Variants in RPL12 observed in about 807,000 individuals in gnomAD.
RPL12 encodes the protein large ribosomal subunit protein uL11.
RPL12 carries 10 observed loss-of-function variants against 24.5 expected under a neutral mutation model. The ratio of observed to expected loss-of-function variants is 0.41; its 90% confidence interval spans 0.25 to 0.69. RPL12 has a LOEUF of 0.69. RPL12 is among the 30% of genes least tolerant of loss of function. RPL12 has a pLI of 0.33. For missense variants in RPL12, 137 were observed against 205.3 expected (o/e 0.67, Z 2.03); for synonymous variants, 74 against 76.1 (o/e 0.97, Z 0.14).
At chr9:127,450,505 T>C (rs2131976146) in intron 2 of RPL12, 1 of 504,646 alleles carries the variant, frequency 2.0e-6, no homozygotes, top group Non-Finnish European at 3.5e-6. Context: ...TCAGGTACAC[T>C]AAAGCAGCAG....
chr9:127,448,285 CA>C, intron 5 of RPL12, 51 bp downstream of exon 5: 1 of 1,380,022 alleles, frequency 7.2e-7, no homozygotes, highest in Non-Finnish European at 1.0e-6. Flanking sequence ...TGTTATCACT[CA>C]GTGAAAAACA....
In RPL12 at chr9:127,451,335, T is replaced by C; in HGVS notation, c.-18A>G. 3.1e-6 allele frequency: 5 copies of C among 1,611,854 alleles called. No homozygotes were observed. Among genetic ancestry groups the C allele is most frequent in the Non-Finnish European group, 4.2e-6 (5 of 1,179,920 alleles). ...GGCGGCATGGTGGAGGCGGCTGGTGTCGGATGAACCCGGATTCGGGACGAC... is the reference window on the plus strand; with the variant it reads ...GGCGGCATGGTGGAGGCGGCTGGTGCCGGATGAACCCGGATTCGGGACGAC... On this transcript the variant is annotated 5_prime_UTR_variant, in exon 1 of 7. Transcript: ENST00000361436.
intron 4 of RPL12, 82 bp from the exon 5 acceptor site, chr9:127,448,505 G>A (rs764650592): frequency 3.2e-6 from 3 of 941,790 alleles, no homozygotes; most frequent in Non-Finnish European, 5.3e-6. Context: ...TTTCTAGGCT[G>A]TTCCCATGCT....
In RPL12 at chr9:127,449,482, A is replaced by C; in HGVS notation, c.211-120T>G. ...TTTGCCCTAGGTCCGTACTCTTGAC[A>C]AAGCCTCCCCAACAAGGTGAAATCA... On this transcript the variant is annotated intron_variant, in intron 3 of 6. Transcript: ENST00000361436. 9 of 1,300,632 alleles carry C rather than the reference A, an allele frequency of 6.9e-6. No individual in the cohort carries two copies. The South Asian group carries it at 8.7e-5, about 13-fold the overall frequency. The allele number at this position is 1,300,632 out of a possible 1,614,324, so 80.6% of individuals were successfully genotyped here.
chr9:127,450,623 G>T, intron 2 of RPL12, 108 bp downstream of exon 2: 1 of 779,046 alleles, frequency 1.3e-6, no homozygotes, highest in Non-Finnish European at 2.0e-6. Context: ...CCTACTGAGG[G>T]TGACAGTCCA....
chr9:127,449,723 A>G lies in RPL12; in HGVS notation c.112-15T>C, dbSNP rs370881098. 6.2e-7 allele frequency: 1 copy of G among 1,601,166 alleles called. No homozygotes were observed. Among genetic ancestry groups the G allele is most frequent in the East Asian group, 2.2e-5 (1 of 44,856 alleles). ...TTTTTTGGAGACTAGAAATAAAGGC[A>G]TGTAATCAACATGGTGTCCAGAGGT... On this transcript the variant is annotated splice_polypyrimidine_tract_variant and intron_variant, in intron 2 of 6. Coordinates refer to ENST00000361436, the MANE Select transcript of RPL12 (RefSeq NM_000976.4).
intron 2 of RPL12, 82 bp downstream of exon 2, chr9:127,450,649 T>G (rs1834277492): frequency 5.6e-6 from 6 of 1,072,748 alleles, no homozygotes; most frequent in Non-Finnish European, 8.1e-6. Context: ...CGAGGGCACC[T>G]CTGGCACAGG....
intron 1 of RPL12, 189 bp downstream of exon 1, chr9:127,451,092 C>T (rs527638000): frequency 2.2e-5 from 17 of 778,088 alleles, no homozygotes; most frequent in South Asian, 1.6e-4. Flanking sequence ...GTGGTCCAGT[C>T]CTCCCTCCCC....
At chr9:127,448,837 T>G (rs1268536501) in intron 4 of RPL12, among the ~76,000 whole-genome samples, 1 of 151,434 alleles carries the variant, frequency 6.6e-6, no homozygotes, top group Non-Finnish European at 1.5e-5. Flanking sequence ...TGGCACTTTT[T>G]TTTTTTTTTT....
chr9:127,447,754 A>G (rs1834196946), intron 6 of RPL12, 28 bp from the exon 7 acceptor site: 1 of 1,613,540 alleles, frequency 6.2e-7, no homozygotes. Flanking sequence ...AAAATCAGTA[A>G]AAAGTTTAAA....
chr9:127,450,659 G>A, intron 2 of RPL12, 72 bp downstream of exon 2: 3 of 1,185,908 alleles, frequency 2.5e-6, no homozygotes, highest in Non-Finnish European at 2.4e-6. Flanking sequence ...TCTGGCACAG[G>A]CGTGACTCCA....
rs776445609 is a variant in RPL12, at chr9:127,447,956, G to A, written c.413C>T (p.Ser138Leu). 1 of 1,613,484 alleles carries A rather than the reference G, an allele frequency of 6.2e-7. No homozygotes were observed. ...GCGGCCATCAACATTACAGCCCACT[G>A]ACTGGGCAGTCCCCAGGATCTCTTT... ...TIKEILGTAQ[S>L]VGCNVDGRHP... The change falls in exon 6 of 7, where the codon TCA (serine) becomes TTA (leucine). Residue 138 changes from serine to leucine, a missense_variant. Physicochemically the swap from Ser to Leu is moderately radical, Grantham distance 145. Around this residue, in one of 3 missense-constraint regions of RPL12, gnomAD observed 118 missense variants for 160.7 expected, o/e 0.73. Transcript: ENST00000361436.
At chr9:127,450,215 G>A (rs1179799315) in intron 2 of RPL12, 1 of 173,558 alleles carries the variant, frequency 5.8e-6, no homozygotes, top group South Asian at 1.2e-4. Context: ...GGAGCACTGT[G>A]CAAGGATTAA....
At chr9:127,449,944 GC>G (rs1834247826) in intron 2 of RPL12, 3 of 501,076 alleles carry the variant, frequency 6.0e-6, no homozygotes, top group Middle Eastern at 6.2e-4. Context: ...GTGCCCATGT[GC>G]TTAAGGAGGG....
In RPL12 at chr9:127,448,297, C is replaced by T. The variant is rs373096478; in HGVS notation, c.379+40G>A. The T allele has an allele frequency of 8.6e-5, 128 of 1,484,792 alleles. 1 individual carries two copies. Among genetic ancestry groups the T allele is most frequent in the South Asian group, 5.2e-4 (46 of 88,484 alleles). The allele number at this position is 1,484,792 out of a possible 1,614,324, so 92.0% of individuals were successfully genotyped here. On this transcript the variant is annotated intron_variant, in intron 5 of 6. Transcript: ENST00000361436. ...GAATGTTATCACTCAGTGAAAAACA[C>T]AACTACAGTTATGGCGGTTACATGT...
intron 2 of RPL12, chr9:127,450,172 A>G (rs1834257005): frequency 5.6e-6 from 1 of 178,104 alleles, no homozygotes; most frequent in Admixed American, 5.7e-5. Flanking sequence ...TACAGGTTAA[A>G]AAAGACCAAT....
chr9:127,447,813 T>C (rs1248708621), intron 6 of RPL12, 64 bp downstream of exon 6: 9 of 1,612,022 alleles, frequency 5.6e-6, no homozygotes, highest in Non-Finnish European at 7.6e-6. Context: ...TCCCAGCTTA[T>C]CTCTGTGAAT....
chr9:127,448,976 C>A (rs1344536369), intron 4 of RPL12: 1 of 348,046 alleles, frequency 2.9e-6, no homozygotes, highest in Non-Finnish European at 5.6e-6. Context: ...GGTCTACAGG[C>A]GAGCACCACC....
rs773781065 is a variant in RPL12, at chr9:127,449,264, G to C, written c.292+17C>G. The stretch of plus-strand genomic sequence containing the variant: ...ACAAACCATTACCAAAACCAAACTA[G>C]GGAAAAGACAACTTACTGTTTTTCT... On this transcript the variant is annotated intron_variant, in intron 4 of 6. Transcript: ENST00000361436. 4 of 1,606,872 alleles carry C rather than the reference G, an allele frequency of 2.5e-6. No homozygotes were observed. Among genetic ancestry groups the C allele is most frequent in the Non-Finnish European group, 1.7e-6 (2 of 1,176,380 alleles).
Sources: allele counts gnomAD v4.1 joint callset (sites outside exome capture counted in the v4.1 genomes callset), GRCh38; gene constraint gnomAD v4.1.1; regional missense constraint gnomAD v4.1.1; transcripts MANE v1.5; gene names NCBI Gene and HGNC (gene_info 2026-07-23, HGNC 2026-07-21).